DUSP16: variants seen among roughly 807,000 people sequenced by gnomAD.
DUSP16 encodes the protein dual specificity protein phosphatase 16.
DUSP16 carries 21 observed loss-of-function variants against 58.3 expected under a neutral mutation model. That is an observed-to-expected ratio of 0.36 (90% confidence interval 0.26 to 0.52). DUSP16 has a LOEUF of 0.52. Among genes scored for constraint, DUSP16 ranks in the 20% least tolerant of loss-of-function variants. The pLI is 0.94. For synonymous variants in DUSP16, 320 were observed against 323.8 expected, an observed-to-expected ratio of 0.99 and a Z score of 0.12; for missense variants, 726 against 819.0, an observed-to-expected ratio of 0.89 and a Z score of 1.39.
rs968945427 is a variant in DUSP16 at position 12,492,327 on chromosome 12, G to GA, written c.532-5141dup. On this transcript the variant is annotated intron_variant, in intron 4 of 6. Transcript: ENST00000298573. ...TGCTTCCTACTACAATGGAAAAACT[G>GA]AAACAGTCAGAGGCAAATTTTGATA... Among the ~76,000 whole-genome samples, 9 of 144,994 alleles carry GA rather than the reference G, an allele frequency of 6.2e-5. No homozygotes were observed. In the East Asian group the frequency reaches 1.6e-3, roughly 25 times the overall value.
intron 3 of DUSP16, among the ~76,000 whole-genome samples, chr12:12,516,751 G>C (rs751499858): frequency 2.0e-5 from 3 of 152,166 alleles, no homozygotes; most frequent in African/African-American, 7.2e-5. Context: ...CTTCATCACT[G>C]CTTAATATGC....
At position 12,521,340 on chromosome 12, in the gene DUSP16, T is replaced by G; in HGVS notation, c.-242A>C. 1.4e-6 allele frequency: 2 copies of G among 1,388,482 alleles called. No homozygotes were observed. Among genetic ancestry groups the G allele is most frequent in the South Asian group, 3.1e-5 (2 of 64,720 alleles). 86.0% of individuals were successfully genotyped at this position (1,388,482 alleles called of 1,614,324 possible). ...CGTCCACAAAGCAGCCCCTCACATT[T>G]GATTCATAAAGAGATGACTGGAATA... On this transcript the variant is annotated 5_prime_UTR_variant, in exon 2 of 7. Coordinates refer to ENST00000298573, the MANE Select transcript of DUSP16 (RefSeq NM_030640.3).
intron 1 of DUSP16, among the ~76,000 whole-genome samples, chr12:12,531,949 G>A (rs926828739): frequency 2.6e-5 from 4 of 152,036 alleles, no homozygotes; most frequent in African/African-American, 9.7e-5. Context: ...ATGAGGTCAG[G>A]AGATCGAGAC....
intron 1 of DUSP16, among the ~76,000 whole-genome samples, chr12:12,555,688 C>T (rs1287771133): frequency 6.6e-6 from 1 of 152,102 alleles, no homozygotes; most frequent in East Asian, 1.9e-4. Flanking sequence ...TTGAGGAGTA[C>T]AAGTCAGATT....
chr12:12,492,310 A>G (rs1364543271), intron 4 of DUSP16, among the ~76,000 whole-genome samples: 1 of 137,188 alleles, frequency 7.3e-6, no homozygotes, highest in Non-Finnish European at 1.7e-5. Context: ...CTTGCTTCCT[A>G]CTACAATGGA....
At chr12:12,549,840 C>G (rs896034666) in intron 1 of DUSP16, among the ~76,000 whole-genome samples, 11 of 151,960 alleles carry the variant, frequency 7.2e-5, no homozygotes, top group Admixed American at 2.0e-4. Context: ...CTCACTGACT[C>G]TTCCCTTCTG....
intron 1 of DUSP16, among the ~76,000 whole-genome samples, chr12:12,526,758 T>C (rs1242015193): frequency 1.3e-5 from 2 of 152,220 alleles, no homozygotes; most frequent in Non-Finnish European, 2.9e-5. Flanking sequence ...TCAGTCATAC[T>C]GACACTGACT....
intron 3 of DUSP16, among the ~76,000 whole-genome samples, chr12:12,501,990 A>G (rs2136213833): frequency 6.6e-6 from 1 of 151,752 alleles, no homozygotes; most frequent in Non-Finnish European, 1.5e-5. Flanking sequence ...ACTCCGTCTC[A>G]AAAACAAAAA....
At chr12:12,539,992 T>A (rs748469687) in intron 1 of DUSP16, among the ~76,000 whole-genome samples, 1 of 151,210 alleles carries the variant, frequency 6.6e-6, no homozygotes, top group African/African-American at 2.4e-5. Flanking sequence ...GATGTGGAGG[T>A]TGCAGTGAGC....
At chr12:12,534,291 C>T (rs1425155135) in intron 1 of DUSP16, among the ~76,000 whole-genome samples, 1 of 152,184 alleles carries the variant, frequency 6.6e-6, no homozygotes, top group Non-Finnish European at 1.5e-5. Flanking sequence ...CTTCCCCCTG[C>T]TGGGGCCCTG....
At chr12:12,503,351 G>A (rs370587401) in intron 3 of DUSP16, among the ~76,000 whole-genome samples, 9 of 150,344 alleles carry the variant, frequency 6.0e-5, no homozygotes, top group Non-Finnish European at 1.2e-4. Flanking sequence ...TCAGCCTCCC[G>A]AGTAGCTGGG....
intron 1 of DUSP16, among the ~76,000 whole-genome samples, chr12:12,539,506 T>TA (rs1944519686): frequency 6.6e-6 from 1 of 152,032 alleles, no homozygotes; most frequent in Non-Finnish European, 1.5e-5. Flanking sequence ...TTGGGAGAGA[T>TA]AGAGTTCAGT....
intron 1 of DUSP16, among the ~76,000 whole-genome samples, chr12:12,557,793 A>G (rs530811147): frequency 1.7e-4 from 26 of 152,326 alleles, no homozygotes; most frequent in Admixed American, 1.3e-3. Context: ...CCACTAGAAT[A>G]TAAGTTACGT....
intron 4 of DUSP16, chr12:12,491,698 CT>C (rs1943762313): frequency 6.6e-6 from 1 of 152,160 alleles, no homozygotes; most frequent in Non-Finnish European, 1.5e-5. Flanking sequence ...TTCAAAGATC[CT>C]TCCAACACCT....
chr12:12,477,888 G>A lies in DUSP16; in HGVS notation c.943C>T (p.His315Tyr), dbSNP rs761380743. Residue 315 changes from histidine to tyrosine, a missense_variant, in exon 7 of 7, where the codon CAC (histidine) becomes TAC (tyrosine). Physicochemically the swap from His to Tyr is moderately conservative, Grantham distance 83. Transcript: ENST00000298573. The surrounding 1 kb of genome is among the most constrained non-coding windows in gnomAD (Gnocchi z 4.1). The stretch of plus-strand genomic sequence containing the variant: ...ACAGGTTCATTTGGCTTCTCCAGGT[G>A]CAGCAGCTTGAGTTTGCTCTTTGGC... ...SGPKSKLKLL[H>Y]LEKPNEPVPA... 17 of 1,614,062 alleles carry A rather than the reference G, an allele frequency of 1.1e-5. No homozygotes were observed. The highest frequency in any genetic ancestry group is 7.7e-5 in the South Asian group (7 of 91,092).
At chr12:12,497,456 T>C (rs1943845405) in intron 4 of DUSP16, among the ~76,000 whole-genome samples, 1 of 152,182 alleles carries the variant, frequency 6.6e-6, no homozygotes, top group Admixed American at 6.5e-5. Context: ...GCAGCCTCGG[T>C]TTACATTTGA....
At chr12:12,558,984 CCT>C (rs371233938) in intron 1 of DUSP16, among the ~76,000 whole-genome samples, 10 of 152,306 alleles carry the variant, frequency 6.6e-5, no homozygotes, top group African/African-American at 1.9e-4. Flanking sequence ...ATTCTAACTC[CCT>C]GTCTCAATCC....
At chr12:12,548,241 G>A (rs1341178620) in intron 1 of DUSP16, among the ~76,000 whole-genome samples, 1 of 152,132 alleles carries the variant, frequency 6.6e-6, no homozygotes, top group Non-Finnish European at 1.5e-5. Context: ...ATATATAAAT[G>A]GCCAACTATT....
chr12:12,544,933 A>G (rs35171817), intron 1 of DUSP16, among the ~76,000 whole-genome samples: 3 of 152,140 alleles, frequency 2.0e-5, no homozygotes, highest in Non-Finnish European at 4.4e-5. Context: ...ATAAATTAGT[A>G]TCTACATATA....
Sources: allele counts gnomAD v4.1 joint callset (sites outside exome capture counted in the v4.1 genomes callset), GRCh38; gene constraint gnomAD v4.1.1; non-coding constraint Gnocchi (gnomAD v3.1); transcripts MANE v1.5; gene names NCBI Gene and HGNC (gene_info 2026-07-23, HGNC 2026-07-21).